KCNH7: variants seen among roughly 807,000 people sequenced by gnomAD.
KCNH7 encodes the protein voltage-gated inwardly rectifying potassium channel KCNH7.
Under a neutral mutation model 120.8 loss-of-function variants are expected in KCNH7, and 49 were observed. The observed-to-expected ratio is 0.41, with a 90% CI of 0.32 to 0.51. The LOEUF (loss-of-function observed/expected upper bound fraction) is 0.51, where lower values mean the gene tolerates loss of function less well. Ranked by LOEUF, KCNH7 falls within the 20% of genes least tolerant of loss-of-function variation. The probability of loss-of-function intolerance (pLI) is 0.38; values close to 1 mark genes in which losing one functional copy is unlikely to be tolerated. For synonymous variants in KCNH7, 547 were observed against 516.1 expected, an observed-to-expected ratio of 1.06 and a Z score of -0.81; for missense variants, 1,097 against 1,446.6, an observed-to-expected ratio of 0.76 and a Z score of 3.92.
At chr2:162,751,206 G>T (rs1688535665) in intron 2 of KCNH7, among the ~76,000 whole-genome samples, 1 of 152,084 alleles carries the variant, frequency 6.6e-6, no homozygotes, top group Admixed American at 6.6e-5. Flanking sequence ...GTTTTTCCAA[G>T]AATGGATTAA....
chr2:162,518,398 CAT>C (rs1324012976), intron 3 of KCNH7, among the ~76,000 whole-genome samples: 2 of 151,714 alleles, frequency 1.3e-5, no homozygotes, highest in Non-Finnish European at 2.9e-5. Context: ...ACATCAGTGA[CAT>C]AAAAGTATTT....
At chr2:162,502,121 A>C (rs970838448) in intron 6 of KCNH7, 3 of 152,002 alleles carry the variant, frequency 2.0e-5, no homozygotes, top group African/African-American at 7.2e-5. Context: ...AGTCATATGG[A>C]CTTTACTGCT....
At chr2:162,535,781 T>C (rs1220796042) in intron 3 of KCNH7, among the ~76,000 whole-genome samples, 1 of 151,838 alleles carries the variant, frequency 6.6e-6, no homozygotes, top group East Asian at 1.9e-4. Context: ...ATATTAGTTA[T>C]TTATTGTATA....
intron 2 of KCNH7, among the ~76,000 whole-genome samples, chr2:162,697,547 T>C (rs901106854): frequency 1.3e-5 from 2 of 151,950 alleles, no homozygotes; most frequent in African/African-American, 4.8e-5. Flanking sequence ...AGGGTAATTG[T>C]TATTTTGTGG....
intron 2 of KCNH7, among the ~76,000 whole-genome samples, chr2:162,718,072 T>C (rs1468395015): frequency 6.6e-6 from 1 of 151,564 alleles, no homozygotes; most frequent in Non-Finnish European, 1.5e-5. Flanking sequence ...TAATCACACA[T>C]CACTAGATGG....
intron 6 of KCNH7, among the ~76,000 whole-genome samples, chr2:162,463,099 C>T (rs1689197655): frequency 6.6e-6 from 1 of 151,934 alleles, no homozygotes; most frequent in South Asian, 2.1e-4. Flanking sequence ...ACTCTAACCA[C>T]AGGAATCTAC....
At chr2:162,489,208 A>G (rs575035199) in intron 6 of KCNH7, among the ~76,000 whole-genome samples, 1 of 152,340 alleles carries the variant, frequency 6.6e-6, no homozygotes, top group Admixed American at 6.5e-5. Flanking sequence ...GTAGCATACA[A>G]CATGCTTGAA....
At chr2:162,635,132 T>C (rs940410001) in intron 2 of KCNH7, among the ~76,000 whole-genome samples, 3 of 152,124 alleles carry the variant, frequency 2.0e-5, no homozygotes, top group African/African-American at 7.2e-5. Context: ...GAAATTTCTA[T>C]TGGACAGTGC....
chr2:162,745,401 A>G (rs930124647), intron 2 of KCNH7, among the ~76,000 whole-genome samples: 1 of 152,182 alleles, frequency 6.6e-6, no homozygotes, highest in Non-Finnish European at 1.5e-5. Flanking sequence ...TAAACTAAAG[A>G]ACCCGTTATT....
chr2:162,514,210 A>T (rs1480246213), intron 4 of KCNH7, among the ~76,000 whole-genome samples: 5 of 151,832 alleles, frequency 3.3e-5, no homozygotes. Flanking sequence ...TGCATTGGAC[A>T]AAGATATACA....
chr2:162,494,019 G>T (rs1178435782), intron 6 of KCNH7, among the ~76,000 whole-genome samples: 4 of 152,068 alleles, frequency 2.6e-5, no homozygotes. Context: ...TTAAGGTATT[G>T]ATCTGTTATT....
chr2:162,661,251 C>A (rs1684949777), intron 2 of KCNH7, among the ~76,000 whole-genome samples: 1 of 152,002 alleles, frequency 6.6e-6, no homozygotes, highest in Admixed American at 6.6e-5. Flanking sequence ...AAAATAAAAT[C>A]AATTTTTATC....
intron 2 of KCNH7, among the ~76,000 whole-genome samples, chr2:162,587,779 T>G (rs1044047257): frequency 6.6e-6 from 1 of 152,108 alleles, no homozygotes. Flanking sequence ...AAACATTTAC[T>G]TCTTACCACA....
Position 162,768,461 on chromosome 2 carries a change from A to C in KCNH7, c.307+68076T>G, listed in dbSNP as rs1019832394. Reference sequence around the variant, plus strand: ...AGTGCCCTATCTTCCATCCAATTCAACACCAACTCTGGAATCAGCAAAATC... The same window carrying C: ...AGTGCCCTATCTTCCATCCAATTCACCACCAACTCTGGAATCAGCAAAATC... On this transcript the variant is annotated intron_variant, in intron 2 of 15. Transcript: ENST00000332142. Among the ~76,000 whole-genome samples, 10 of 152,122 alleles carry C rather than the reference A, an allele frequency of 6.6e-5. No individual in the cohort carries two copies. The East Asian group carries it at 1.9e-3, about 29-fold the overall frequency.
At chr2:162,530,211 C>T (rs573266676) in intron 3 of KCNH7, among the ~76,000 whole-genome samples, 2 of 151,916 alleles carry the variant, frequency 1.3e-5, no homozygotes, top group Non-Finnish European at 2.9e-5. Flanking sequence ...TATCATAATG[C>T]CTTTTTATAA....
At chr2:162,392,978 T>C (rs189371934) in intron 12 of KCNH7, among the ~76,000 whole-genome samples, 235 of 152,018 alleles carry the variant, frequency 1.5e-3, no homozygotes, top group African/African-American at 5.3e-3. Context: ...GCTGTTTCAA[T>C]ATTCCAGGTG....
At chr2:162,636,132 AT>A (rs781770405) in intron 2 of KCNH7, among the ~76,000 whole-genome samples, 9 of 151,856 alleles carry the variant, frequency 5.9e-5, no homozygotes, top group Admixed American at 1.3e-4. Flanking sequence ...TATTTAGCAC[AT>A]TTTTTTTCCA....
chr2:162,749,910 T>G (rs754157511), intron 2 of KCNH7, among the ~76,000 whole-genome samples: 4 of 152,188 alleles, frequency 2.6e-5, no homozygotes, highest in Non-Finnish European at 5.9e-5. Context: ...TGAAATAAAT[T>G]CTATAATAGA....
rs748436427 is a variant in KCNH7 at position 162,423,559 on chromosome 2, T to C, written c.1955-24A>G. On this transcript the variant is annotated intron_variant, in intron 8 of 15. Transcript: ENST00000332142. ...TGCTGGATTGGATAAAAAACAAAGT[T>C]ATCGGGGAAACTGCACATAGGTGTG... 4 of 1,603,068 alleles carry C rather than the reference T, an allele frequency of 2.5e-6. No individual in the cohort carries two copies. The East Asian group carries it at 6.7e-5, about 27-fold the overall frequency.
Sources: gnomAD v4.1 joint callset for allele counts (sites outside exome capture counted in the v4.1 genomes callset) on GRCh38, gnomAD v4.1.1 for gene constraint, MANE v1.5 for transcripts, NCBI Gene and HGNC (gene_info 2026-07-23, HGNC 2026-07-21) for gene names.